The following ME3 variants were observed in gnomAD, a reference collection of about 807,000 sequenced individuals.
ME3 encodes malic enzyme 3, also known as NADP-dependent malic enzyme, mitochondrial.
A neutral mutation model predicts 68.9 loss-of-function variants in ME3; 48 were observed. That is an observed-to-expected ratio of 0.70 (90% confidence interval 0.55 to 0.89). The LOEUF is 0.89. Among genes scored for constraint, ME3 ranks in the 40% least tolerant of loss-of-function variants. The probability of loss-of-function intolerance (pLI) is 0.00; values close to 1 mark genes in which losing one functional copy is unlikely to be tolerated. For missense variants in ME3, 675 were observed against 797.4 expected, an observed-to-expected ratio of 0.85 and a Z score of 1.85; for synonymous variants, 320 against 318.8, an observed-to-expected ratio of 1.00 and a Z score of -0.04.
chr11:86,538,570 T>C (rs188438836), intron 4 of ME3, among the ~76,000 whole-genome samples: 1 of 152,260 alleles, frequency 6.6e-6, no homozygotes, highest in Non-Finnish European at 1.5e-5. Context: ...TACCTTCACA[T>C]CCAGCTCACC....
At chr11:86,545,193 C>G (rs594106) in intron 4 of ME3, among the ~76,000 whole-genome samples, 11,832 of 152,248 alleles carry the variant, frequency 0.078, 583 homozygotes, top group East Asian at 0.26. Flanking sequence ...CTATTTATGA[C>G]AAACCCACAG....
intron 2 of ME3, among the ~76,000 whole-genome samples, chr11:86,653,192 A>G (rs953392887): frequency 6.6e-6 from 1 of 152,190 alleles, no homozygotes; most frequent in African/African-American, 2.4e-5. Context: ...TGAACGAGAC[A>G]GAAAGTTAAC....
At chr11:86,458,247 T>C (rs968234508) in intron 8 of ME3, among the ~76,000 whole-genome samples, 1 of 152,234 alleles carries the variant, frequency 6.6e-6, no homozygotes, top group African/African-American at 2.4e-5. Context: ...AAAAGTCTTG[T>C]TCTCAAATAA....
At position 86,601,365 on chromosome 11, in the gene ME3, A is replaced by C. The variant is rs375557229; in HGVS notation, c.184-41542T>G. ...CTAGAAAAGGTAGAAGAAATGGATAAATTCCTGGACACATACACCCTCCCA... is the reference window on the plus strand; with the variant it reads ...CTAGAAAAGGTAGAAGAAATGGATACATTCCTGGACACATACACCCTCCCA... On this transcript the variant is annotated intron_variant, in intron 2 of 14. Coordinates refer to ENST00000543262, the Ensembl canonical transcript of ME3. 3.9e-3 allele frequency among the ~76,000 whole-genome samples: 593 copies of C among 152,312 alleles called. 3 individuals carry two copies. The highest frequency in any genetic ancestry group is 0.016 in the South Asian group (78 of 4,824).
intron 2 of ME3, among the ~76,000 whole-genome samples, chr11:86,648,975 A>G (rs1390593162): frequency 6.6e-6 from 1 of 152,040 alleles, no homozygotes; most frequent in Non-Finnish European, 1.5e-5. Flanking sequence ...TGAGGCCAGA[A>G]TCATCCTGAT....
At chr11:86,554,343 G>A (rs746836924) in intron 4 of ME3, among the ~76,000 whole-genome samples, 2 of 152,152 alleles carry the variant, frequency 1.3e-5, no homozygotes, top group African/African-American at 2.4e-5. Flanking sequence ...GGGGGATAAA[G>A]GTCCTCTTCA....
chr11:86,509,149 C>A (rs775596097), intron 4 of ME3, among the ~76,000 whole-genome samples: 4 of 152,146 alleles, frequency 2.6e-5, no homozygotes, highest in Non-Finnish European at 5.9e-5. Flanking sequence ...GACCAGTACC[C>A]AAGATGCCAG....
At chr11:86,460,869 C>T (rs1565808956) in intron 8 of ME3, among the ~76,000 whole-genome samples, 1 of 152,252 alleles carries the variant, frequency 6.6e-6, no homozygotes, top group Non-Finnish European at 1.5e-5. Flanking sequence ...CTCATTAGTC[C>T]TGGAATTCCT....
At chr11:86,458,544 G>A (rs1292607787) in intron 8 of ME3, among the ~76,000 whole-genome samples, 2 of 152,096 alleles carry the variant, frequency 1.3e-5, no homozygotes, top group Non-Finnish European at 2.9e-5. Context: ...GGAGGAGCCA[G>A]ATACATGAGA....
chr11:86,586,777 C>T (rs537422295), intron 2 of ME3, among the ~76,000 whole-genome samples: 1 of 152,034 alleles, frequency 6.6e-6, no homozygotes, highest in African/African-American at 2.4e-5. Context: ...AGAAAGGATA[C>T]CTAGCTGTGT....
At chr11:86,486,439 T>G (rs916326102) in intron 7 of ME3, among the ~76,000 whole-genome samples, 1 of 152,202 alleles carries the variant, frequency 6.6e-6, no homozygotes, top group Non-Finnish European at 1.5e-5. Flanking sequence ...AAATTACAGT[T>G]TGCCCACCCC....
intron 8 of ME3, chr11:86,457,582 C>T: frequency 1.7e-6 from 2 of 1,185,128 alleles, no homozygotes; most frequent in Non-Finnish European, 2.1e-6. Context: ...TTATCTCCAT[C>T]ATTAACCTGC....
intron 4 of ME3, among the ~76,000 whole-genome samples, chr11:86,550,857 CT>C (rs1188494698): frequency 6.6e-6 from 1 of 152,008 alleles, no homozygotes; most frequent in Non-Finnish European, 1.5e-5. Flanking sequence ...TCCAGAGTGG[CT>C]TTGATCAAAG....
chr11:86,459,361 A>G (rs1477598450), intron 8 of ME3, among the ~76,000 whole-genome samples: 2 of 152,148 alleles, frequency 1.3e-5, no homozygotes, highest in African/African-American at 4.8e-5. Context: ...TCTCTGCCTT[A>G]AGTCTCCTCT....
At chr11:86,466,100 C>A (rs1950466685) in intron 7 of ME3, among the ~76,000 whole-genome samples, 1 of 152,126 alleles carries the variant, frequency 6.6e-6, no homozygotes. Context: ...AGTTTTGTAA[C>A]CTATTTTTCC....
chr11:86,552,078 A>G (rs1056136789), intron 4 of ME3, among the ~76,000 whole-genome samples: 4 of 152,210 alleles, frequency 2.6e-5, no homozygotes, highest in Non-Finnish European at 2.9e-5. Context: ...AGTAGATGAC[A>G]ACTCCTGGGG....
At chr11:86,435,013 T>C in the ME3 span, 4 of 152,296 alleles carry the variant, frequency 2.6e-5, no homozygotes, top group East Asian at 7.7e-4. Flanking sequence ...CATATAGATT[T>C]ACACAAAACA....
chr11:86,646,919 T>C (rs1945055578), intron 2 of ME3, among the ~76,000 whole-genome samples: 1 of 152,142 alleles, frequency 6.6e-6, no homozygotes, highest in Non-Finnish European at 1.5e-5. Flanking sequence ...GAGAAAATAA[T>C]TTTCAAGCCA....
At chr11:86,469,395 A>G (rs779534414) in intron 7 of ME3, among the ~76,000 whole-genome samples, 5 of 152,158 alleles carry the variant, frequency 3.3e-5, no homozygotes, top group Admixed American at 2.6e-4. Flanking sequence ...TGCTTACACA[A>G]ACTGGACCAG....
Sources: allele counts gnomAD v4.1 joint callset (sites outside exome capture counted in the v4.1 genomes callset), GRCh38; gene constraint gnomAD v4.1.1; transcripts MANE v1.5; gene names NCBI Gene and HGNC (gene_info 2026-07-23, HGNC 2026-07-21).